The following ERC2 variants were observed in gnomAD, a reference collection of about 807,000 sequenced individuals.
The protein encoded by ERC2 is ERC protein 2.
Under a neutral mutation model 114.8 loss-of-function variants are expected in ERC2, and 42 were observed. The ratio of observed to expected loss-of-function variants is 0.37; its 90% CI spans 0.29 to 0.47. The LOEUF is 0.47. Ranked by LOEUF, ERC2 falls within the 20% of genes least tolerant of loss-of-function variation. ERC2 has a pLI of 0.99. For synonymous variants in ERC2, 454 were observed against 425.5 expected (o/e 1.07, Z -0.82); for missense variants, 939 against 1,150.7 (o/e 0.82, Z 2.66).
intron 14 of ERC2, among the ~76,000 whole-genome samples, chr3:55,882,106 C>A (rs926832923): frequency 2.0e-5 from 3 of 152,154 alleles, no homozygotes; most frequent in Admixed American, 6.5e-5. Context: ...TGGGGTGAAT[C>A]CCTTGAATAG....
chr3:56,059,312 A>C (rs2076150754), intron 7 of ERC2, among the ~76,000 whole-genome samples: 1 of 151,954 alleles, frequency 6.6e-6, no homozygotes, highest in African/African-American at 2.4e-5. Flanking sequence ...GGTGGTCTCG[A>C]TCTCTTGACC....
At chr3:55,548,606 AG>A in intron 17 of ERC2, among the ~76,000 whole-genome samples, 1 of 152,328 alleles carries the variant, frequency 6.6e-6, no homozygotes, top group Non-Finnish European at 1.5e-5. Context: ...AGCATGGCCA[AG>A]GGCGGGGCTG....
intron 17 of ERC2, among the ~76,000 whole-genome samples, chr3:55,636,994 G>A (rs891414341): frequency 3.3e-5 from 5 of 152,098 alleles, no homozygotes; most frequent in Admixed American, 6.5e-5. Context: ...CACACTTCCC[G>A]ACCATTGCCA....
At chr3:56,080,358 A>T (rs1311068538) in intron 7 of ERC2, among the ~76,000 whole-genome samples, 1 of 152,168 alleles carries the variant, frequency 6.6e-6, no homozygotes, top group Non-Finnish European at 1.5e-5. Flanking sequence ...CATTGATTTC[A>T]ATTAAGTAAT....
chr3:56,183,194 A>G (rs2083383537), intron 3 of ERC2, among the ~76,000 whole-genome samples: 1 of 152,244 alleles, frequency 6.6e-6, no homozygotes, highest in African/African-American at 2.4e-5. Context: ...TCCAAAAGGC[A>G]AAAGTTAATA....
intron 7 of ERC2, among the ~76,000 whole-genome samples, chr3:56,077,015 C>T (rs1408571104): frequency 2.0e-5 from 3 of 152,190 alleles, no homozygotes; most frequent in African/African-American, 7.2e-5. Context: ...CTGACATTGA[C>T]ATGAGCTTAT....
intron 17 of ERC2, among the ~76,000 whole-genome samples, chr3:55,557,771 A>G (rs1024741060): frequency 5.9e-5 from 9 of 152,234 alleles, no homozygotes; most frequent in African/African-American, 2.2e-4. Flanking sequence ...TATGGCTTCC[A>G]GCCACAGGAC....
At chr3:56,407,093 G>C (rs558602909) in intron 2 of ERC2, among the ~76,000 whole-genome samples, 2 of 152,058 alleles carry the variant, frequency 1.3e-5, no homozygotes, top group Non-Finnish European at 2.9e-5. Context: ...AAAACAACTC[G>C]TCTCAAGAGC....
At chr3:56,134,920 GT>G (rs147281232) in intron 6 of ERC2, among the ~76,000 whole-genome samples, 6 of 143,046 alleles carry the variant, frequency 4.2e-5, no homozygotes, top group Non-Finnish European at 7.5e-5. Flanking sequence ...CTTTTTTTTT[GT>G]TTTTTTTTGT....
At chr3:56,095,977 C>T (rs2078042082) in intron 6 of ERC2, among the ~76,000 whole-genome samples, 3 of 152,156 alleles carry the variant, frequency 2.0e-5, no homozygotes, top group African/African-American at 7.2e-5. Context: ...TCCACTTACT[C>T]ACCATGGCTT....
intron 14 of ERC2, among the ~76,000 whole-genome samples, chr3:55,861,086 CA>C (rs2062008452): frequency 6.6e-6 from 1 of 152,240 alleles, no homozygotes; most frequent in Admixed American, 6.5e-5. Context: ...CCATCCATAG[CA>C]AACAACTGGC....
chr3:55,879,099 A>ATTTTTTTTTTTTTTTTT (rs3047064), intron 14 of ERC2, among the ~76,000 whole-genome samples: 3 of 127,754 alleles, frequency 2.3e-5, no homozygotes, highest in African/African-American at 3.0e-5. Context: ...CTTTTTCTTA[A>ATTTTTTTTTTTTTTTTT]TTTTTTTTTT....
chr3:55,913,434 G>A (rs540188669), intron 13 of ERC2, among the ~76,000 whole-genome samples: 15 of 152,178 alleles, frequency 9.9e-5, no homozygotes, highest in African/African-American at 3.1e-4. Context: ...TTGCTGGTTC[G>A]AAGGACATGT....
intron 7 of ERC2, among the ~76,000 whole-genome samples, chr3:56,043,664 T>C (rs2075315026): frequency 6.6e-6 from 1 of 152,210 alleles, no homozygotes; most frequent in Non-Finnish European, 1.5e-5. Flanking sequence ...TTTTCGTTAA[T>C]ACATTTTCTT....
intron 14 of ERC2, among the ~76,000 whole-genome samples, chr3:55,790,476 A>G (rs965164235): frequency 1.3e-5 from 2 of 152,192 alleles, no homozygotes; most frequent in African/African-American, 4.8e-5. Context: ...ACAGAGTCCT[A>G]CCGTTGACAC....
chr3:55,933,847 G>T (rs2066275654), intron 13 of ERC2, among the ~76,000 whole-genome samples: 2 of 152,158 alleles, frequency 1.3e-5, no homozygotes, highest in South Asian at 4.1e-4. Flanking sequence ...AGTTCACTTT[G>T]CCCAACCAGG....
At chr3:56,457,831 A>G (rs140752941) in intron 1 of ERC2, among the ~76,000 whole-genome samples, 4 of 152,168 alleles carry the variant, frequency 2.6e-5, no homozygotes, top group East Asian at 3.9e-4. Flanking sequence ...AATTCCATTT[A>G]CCCTTCAGTG....
chr3:55,573,718 T>A (rs2056839106), intron 17 of ERC2, among the ~76,000 whole-genome samples: 1 of 152,112 alleles, frequency 6.6e-6, no homozygotes, highest in South Asian at 2.1e-4. Flanking sequence ...CCCTGCCTCA[T>A]CTTTAATGTG....
chr3:56,363,724 C>A (rs923585389), intron 2 of ERC2, among the ~76,000 whole-genome samples: 7 of 150,164 alleles, frequency 4.7e-5, no homozygotes, highest in African/African-American at 1.7e-4. Context: ...ATGCTTTAGT[C>A]TATATACCTG....
Sources: allele counts gnomAD v4.1 joint callset (sites outside exome capture counted in the v4.1 genomes callset), GRCh38; gene constraint gnomAD v4.1.1; transcripts MANE v1.5; gene names NCBI Gene and HGNC (gene_info 2026-07-23, HGNC 2026-07-21).